The following GGA2 variants were observed in gnomAD, a reference collection of about 807,000 sequenced individuals.
The protein encoded by GGA2 is ADP-ribosylation factor-binding protein GGA2.
A neutral mutation model predicts 79.5 loss-of-function variants in GGA2; 48 were observed. The observed-to-expected ratio is 0.60, with a 90% CI of 0.48 to 0.77. GGA2 has a LOEUF of 0.77. Among genes scored for constraint, GGA2 ranks in the 30% least tolerant of loss-of-function variants. The probability of loss-of-function intolerance (pLI) is 0.00; values close to 1 mark genes in which losing one functional copy is unlikely to be tolerated. For missense variants in GGA2, 770 were observed against 774.0 expected (o/e 0.99, Z 0.06); for synonymous variants, 317 against 302.0 (o/e 1.05, Z -0.51).
chr16:23,493,948 C>T (rs1159208940), intron 3 of GGA2: 1 of 336,238 alleles, frequency 3.0e-6, no homozygotes, highest in African/African-American at 2.1e-5. Context: ...AAACTAGCAA[C>T]CCTGAGCCCA....
At chr16:23,480,525 C>G in intron 10 of GGA2, 120 bp downstream of exon 10, 1 of 845,334 alleles carries the variant, frequency 1.2e-6, no homozygotes, top group Non-Finnish European at 1.8e-6. Flanking sequence ...GGAAGGGGAA[C>G]AAAGGGCGAG....
chr16:23,518,170 C>CA (rs1178462331), intron 2 of GGA2, among the ~76,000 whole-genome samples: 3 of 151,856 alleles, frequency 2.0e-5, no homozygotes, highest in Non-Finnish European at 2.9e-5. Flanking sequence ...CTTCACCTCC[C>CA]AAAGTGCTAG....
intron 1 of GGA2, among the ~76,000 whole-genome samples, chr16:23,499,726 T>C (rs1285204793): frequency 6.6e-6 from 1 of 152,114 alleles, no homozygotes; most frequent in Non-Finnish European, 1.5e-5. Context: ...CCCCCCAAAG[T>C]GTTAGGATTA....
Position 23,478,867 on chromosome 16 carries a change from G to C in GGA2, c.1158+16C>G, listed in dbSNP as rs1964611287. On this transcript the variant is annotated intron_variant, in intron 12 of 16. Transcript: ENST00000309859. ...CCTCCCATTCTCTCTCCGGGCCCTGGGAAGGGCATCCTTACCATGCCTGTA... is the reference window on the plus strand; with the variant it reads ...CCTCCCATTCTCTCTCCGGGCCCTGCGAAGGGCATCCTTACCATGCCTGTA... The C allele has an allele frequency of 1.3e-6, 2 of 1,587,028 alleles. No homozygotes were observed. The highest frequency in any genetic ancestry group is 4.5e-5 in the East Asian group (2 of 44,750).
upstream of GGA2, chr16:23,522,784 C>T (rs1405829750): frequency 6.6e-6 from 1 of 152,192 alleles, no homozygotes; most frequent in African/African-American, 2.4e-5. Flanking sequence ...TCCGGAGCAG[C>T]TTCTCTGAGT....
rs1964453710 is a variant in GGA2, at chr16:23,467,424, A to ACACAC, written c.*161_*165dup. The ACACAC allele has an allele frequency of 4.9e-6, 3 of 613,556 alleles. No individual in the cohort carries two copies. In the Admixed American group the frequency reaches 7.3e-5, roughly 15 times the overall value. 38.0% of individuals were successfully genotyped at this position (613,556 alleles called of 1,614,324 possible). On this transcript the variant is annotated 3_prime_UTR_variant, in exon 17 of 17. Coordinates refer to ENST00000309859, the MANE Select transcript of GGA2 (RefSeq NM_015044.4). ...CACACACACACACACACACACACAC[A>ACACAC]CACACACACAGAGCATCTGCAGAAT...
chr16:23,483,576 C>G (rs1179389665), intron 8 of GGA2, among the ~76,000 whole-genome samples: 2 of 152,140 alleles, frequency 1.3e-5, no homozygotes, highest in Non-Finnish European at 2.9e-5. Flanking sequence ...AACAGAGTTC[C>G]AAGGGAGACC....
chr16:23,501,270 T>C (rs1964918817), intron 1 of GGA2: 5 of 455,718 alleles, frequency 1.1e-5, no homozygotes, highest in Non-Finnish European at 2.2e-5. Flanking sequence ...AGCATCGCTC[T>C]GTGTCCTACT....
intron 1 of GGA2, chr16:23,501,403 G>A: frequency 2.3e-6 from 1 of 444,090 alleles, no homozygotes; most frequent in Non-Finnish European, 4.5e-6. Context: ...ACATGAGCAA[G>A]ATGGAGAAGT....
At chr16:23,512,170 G>A (rs1965074145), upstream of GGA2, among the ~76,000 whole-genome samples, 1 of 152,186 alleles carries the variant, frequency 6.6e-6, no homozygotes, top group Admixed American at 6.5e-5. Context: ...TTTACTGAGG[G>A]GACTTACGGG....
intron 1 of GGA2, among the ~76,000 whole-genome samples, chr16:23,499,757 C>T (rs1263593698): frequency 2.0e-5 from 3 of 152,194 alleles, no homozygotes; most frequent in Non-Finnish European, 2.9e-5. Context: ...CCACTGTGCC[C>T]GGCTCAGTTT....
At chr16:23,521,894 C>A (rs904854061) in exon 1 of GGA2, 1 of 452,714 alleles carries the variant, frequency 2.2e-6, no homozygotes, top group South Asian at 1.6e-5. Flanking sequence ...GACTCTGGAT[C>A]GGCACAGATC....
At position 23,470,161 on chromosome 16, in the gene GGA2, G is replaced by C; in HGVS notation, c.1455C>G (p.Ser485Arg). ...FVPLESVKPS[S>R]LPPLIVYDRN... ...GGTCATACACAATGAGAGGCGGCAG[G>C]CTGCCTGGTATAAAGGGCACAAGCA... is the stretch of plus-strand genomic sequence containing the variant. The change falls in exon 15 of 17, where the codon AGC becomes AGG. Residue 485 changes from serine to arginine, a missense_variant. Ser to Arg is a moderately radical substitution (Grantham distance 110). Coordinates refer to ENST00000309859, the MANE Select transcript of GGA2 (RefSeq NM_015044.4). The C allele has an allele frequency of 6.3e-7, 1 of 1,596,470 alleles. No homozygotes were observed. Among genetic ancestry groups the C allele is most frequent in the Non-Finnish European group, 8.5e-7 (1 of 1,172,414 alleles).
chr16:23,472,184 GTTTTTTTTTTT>G (rs749688834), intron 14 of GGA2, among the ~76,000 whole-genome samples: 1 of 54,838 alleles, frequency 1.8e-5, no homozygotes, highest in Non-Finnish European at 3.4e-5. Context: ...TGTAGCCCTG[GTTTTTTTTTTT>G]TTTTTTTTTT....
rs533040392 is a variant in GGA2 at position 23,468,675 on chromosome 16, T to C, written c.1731+211A>G. Among the ~76,000 whole-genome samples, 10 of 152,018 alleles carry C rather than the reference T, an allele frequency of 6.6e-5. No individual in the cohort carries two copies. The South Asian group carries it at 1.7e-3, about 25-fold the overall frequency. On this transcript the variant is annotated intron_variant, in intron 16 of 16. Coordinates refer to ENST00000309859, the MANE Select transcript of GGA2 (RefSeq NM_015044.4). ...TTTTAGTAGAGATGGGGTTTCACCA[T>C]GTTGGCCAGGCTGGTCTCAAACTCC...
exon 1 of GGA2, chr16:23,521,944 G>T (rs1033331851): frequency 7.8e-6 from 3 of 382,636 alleles, no homozygotes; most frequent in African/African-American, 6.3e-5. Flanking sequence ...TATAACCTCG[G>T]AAGTTTTAGT....
In GGA2 at chr16:23,504,769, T is replaced by C. The variant is rs1183082415; in HGVS notation, c.91+5552A>G. Among the ~76,000 whole-genome samples the C allele has an allele frequency of 3.3e-5, 5 of 152,198 alleles. No individual in the cohort carries two copies. In the East Asian group the frequency reaches 9.6e-4, roughly 29 times the overall value. On this transcript the variant is annotated intron_variant, in intron 1 of 16. Transcript: ENST00000309859. ...CTATCCCAGACTCCAAGGTGGTTTATTTATAGCTGGCACTTGAGCAGGACA... is the reference window on the plus strand; with the variant it reads ...CTATCCCAGACTCCAAGGTGGTTTACTTATAGCTGGCACTTGAGCAGGACA...
intron 9 of GGA2, among the ~76,000 whole-genome samples, chr16:23,481,145 G>A (rs988461765): frequency 1.3e-5 from 2 of 152,082 alleles, no homozygotes; most frequent in African/African-American, 2.4e-5. Context: ...TTGGGAGGCC[G>A]AGGCGGGTGG....
chr16:23,487,736 G>A (rs532186875), intron 6 of GGA2, among the ~76,000 whole-genome samples: 12 of 152,184 alleles, frequency 7.9e-5, no homozygotes, highest in East Asian at 7.7e-4. Context: ...GGAGGAAAGC[G>A]GAGAAAGGTG....
Sources: gnomAD v4.1 joint callset for allele counts (sites outside exome capture counted in the v4.1 genomes callset) on GRCh38, gnomAD v4.1.1 for gene constraint, MANE v1.5 for transcripts, NCBI Gene and HGNC (gene_info 2026-07-23, HGNC 2026-07-21) for gene names.